The following PHC3 variants were observed in gnomAD, a reference collection of about 807,000 sequenced individuals.
PHC3 encodes polyhomeotic homolog 3, also known as polyhomeotic-like protein 3.
PHC3 carries 13 observed loss-of-function variants against 107.4 expected under a neutral mutation model. That is an observed-to-expected ratio of 0.12 (90% CI 0.08 to 0.19). The LOEUF (loss-of-function observed/expected upper bound fraction) is 0.19, where lower values mean the gene tolerates loss of function less well. Among genes scored for constraint, PHC3 ranks in the 10% least tolerant of loss-of-function variants. PHC3 has a pLI of 1.00. For missense variants in PHC3, 992 were observed against 1,210.9 expected (o/e 0.82, Z 2.68); for synonymous variants, 456 against 427.4 (o/e 1.07, Z -0.83).
At chr3:170,175,681 T>G (rs1168010404) in intron 2 of PHC3, among the ~76,000 whole-genome samples, 1 of 151,034 alleles carries the variant, frequency 6.6e-6, no homozygotes, top group African/African-American at 2.4e-5. Context: ...TCCCAGCACT[T>G]TGGGAGGCCG....
chr3:170,099,056 A>G (rs984774314), intron 14 of PHC3, among the ~76,000 whole-genome samples: 6 of 152,170 alleles, frequency 3.9e-5, no homozygotes, highest in African/African-American at 1.2e-4. Context: ...CAGGAAAGAA[A>G]AGAAGAGAGA....
At chr3:170,130,232 A>G (rs1486985911) in intron 7 of PHC3, among the ~76,000 whole-genome samples, 2 of 152,204 alleles carry the variant, frequency 1.3e-5, no homozygotes, top group Non-Finnish European at 2.9e-5. Flanking sequence ...GAACAAGTAT[A>G]ACATATATAA....
Position 170,171,208 on chromosome 3 carries a change from T to A in PHC3, c.414+165A>T, listed in dbSNP as rs1351525330. 5 of 592,596 alleles carry A rather than the reference T, an allele frequency of 8.4e-6. No individual in the cohort carries two copies. The East Asian group carries it at 1.5e-4, about 18-fold the overall frequency. The allele number at this position is 592,596 out of a possible 1,614,324, so 36.7% of individuals were successfully genotyped here. On this transcript the variant is annotated intron_variant, in intron 4 of 14. Transcript: ENST00000495893. ...GACTCAGATTTTCATAAGTTTAACA[T>A]TAGTTCTGAATTCTTGAATTTTATC...
intron 1 of PHC3, among the ~76,000 whole-genome samples, chr3:170,180,483 G>T (rs969618036): frequency 6.6e-6 from 1 of 150,786 alleles, no homozygotes; most frequent in Non-Finnish European, 1.5e-5. Flanking sequence ...GAGGAAAAGT[G>T]AAAGGAAAAC....
intron 11 of PHC3, among the ~76,000 whole-genome samples, chr3:170,111,261 A>AGAAAGAAG (rs1717592749): frequency 8.2e-6 from 1 of 121,272 alleles, no homozygotes; most frequent in African/African-American, 3.0e-5. Flanking sequence ...TAAAACAAGA[A>AGAAAGAAG]GAAGGAAGGA....
intron 8 of PHC3, among the ~76,000 whole-genome samples, chr3:170,125,682 T>C (rs1721133567): frequency 1.3e-5 from 2 of 152,170 alleles, no homozygotes; most frequent in Non-Finnish European, 2.9e-5. Context: ...TGTAAAATAC[T>C]TTCCACTCAT....
chr3:170,128,354 C>T, intron 8 of PHC3: 1 of 1,296,374 alleles, frequency 7.7e-7, no homozygotes, highest in South Asian at 1.3e-5. Flanking sequence ...AGAGAAAAAA[C>T]TTTGTGCAGA....
chr3:170,168,125 G>A (rs1729012040), intron 4 of PHC3, among the ~76,000 whole-genome samples: 1 of 151,986 alleles, frequency 6.6e-6, no homozygotes, highest in South Asian at 2.1e-4. Context: ...TCGTGCCACT[G>A]CACTCCAGCC....
chr3:170,129,636 A>T, intron 7 of PHC3, 84 bp from the exon 8 acceptor site: 1 of 1,259,868 alleles, frequency 7.9e-7, no homozygotes. Context: ...AGTGTTCATT[A>T]TCAGAAGGTC....
chr3:170,177,901 G>A (rs1035456002), intron 2 of PHC3, among the ~76,000 whole-genome samples: 2 of 150,928 alleles, frequency 1.3e-5, no homozygotes, highest in Admixed American at 6.6e-5. Context: ...CAACTCCTAA[G>A]CTCAAGCTAT....
At chr3:170,098,698 T>G (rs1240706053) in intron 14 of PHC3, among the ~76,000 whole-genome samples, 1 of 151,964 alleles carries the variant, frequency 6.6e-6, no homozygotes, top group Non-Finnish European at 1.5e-5. Flanking sequence ...TGTCCATTTT[T>G]TCTCTTGCTT....
At chr3:170,148,360 A>G (rs1338295397) in intron 5 of PHC3, 2 of 152,230 alleles carry the variant, frequency 1.3e-5, no homozygotes, top group South Asian at 2.1e-4. Flanking sequence ...ATATAAATAT[A>G]TATTAGGGAC....
rs1721885543 is a variant in PHC3, at chr3:170,129,374, T to C, written c.1098A>G (p.Pro366=). 1 of 1,613,596 alleles carries C rather than the reference T, an allele frequency of 6.2e-7. No individual in the cohort carries two copies. The highest frequency in any genetic ancestry group is 8.5e-7 in the Non-Finnish European group (1 of 1,179,800). ...CTGGAGGAAGGCCATGGTTCTGGAG[T>C]GGTATACAGTGCTGGGATGGGGGTG... The part of the protein sequence containing the change: ...QDPPPSQHCI[P]LQNHGLPPAP... The change falls in exon 8 of 15, where the codon CCA becomes CCG. Residue 366 remains proline, a synonymous_variant. Transcript: ENST00000495893.
intron 11 of PHC3, among the ~76,000 whole-genome samples, chr3:170,110,941 T>C (rs1717525498): frequency 6.6e-6 from 1 of 152,204 alleles, no homozygotes; most frequent in Non-Finnish European, 1.5e-5. Context: ...TGCACATTCT[T>C]TGTTACTTTT....
chr3:170,181,302 C>G (rs1021642477), intron 1 of PHC3, among the ~76,000 whole-genome samples: 1 of 152,168 alleles, frequency 6.6e-6, no homozygotes, highest in African/African-American at 2.4e-5. Flanking sequence ...AGTGCCCGCC[C>G]TGCCCTACCC....
At chr3:170,180,057 GCT>G (rs1420489487) in intron 1 of PHC3, among the ~76,000 whole-genome samples, 1 of 150,720 alleles carries the variant, frequency 6.6e-6, no homozygotes, top group Non-Finnish European at 1.5e-5. Context: ...CCATAGCGTT[GCT>G]TTTTTAAGTA....
rs780011475 is a variant in PHC3 at position 170,097,046 on chromosome 3, A to G, written c.*184T>C. 18 of 485,174 alleles carry G rather than the reference A, an allele frequency of 3.7e-5. No individual in the cohort carries two copies. The highest frequency in any genetic ancestry group is 5.8e-5 in the African/African-American group (3 of 51,442). The allele number at this position is 485,174 out of a possible 1,614,324, so 30.1% of individuals were successfully genotyped here. On this transcript the variant is annotated 3_prime_UTR_variant, in exon 15 of 15. Coordinates refer to ENST00000495893, the MANE Select transcript of PHC3 (RefSeq NM_024947.4). The surrounding 1 kb of genome is among the most constrained non-coding windows in gnomAD (Gnocchi z 4.1). ...AAATTAATTTTACCAATGTTTATTA[A>G]TTATGAAAATGCATGATGAATTATT...
intron 8 of PHC3, among the ~76,000 whole-genome samples, chr3:170,127,302 G>T (rs1252184926): frequency 6.6e-6 from 1 of 152,172 alleles, no homozygotes; most frequent in South Asian, 2.1e-4. Context: ...GAGTAGCTGG[G>T]ATTACAGGCA....
chr3:170,129,422 T>A lies in PHC3; in HGVS notation c.1050A>T (p.Thr350=), dbSNP rs778299490. ...QQQQQQIQPI[T]LQNSTQDPPP... ...GTGGGTCTTGAGTTGAATTCTGAAG[T>A]GTGATTGGCTGAATTTGCTGTTGCT... The change falls in exon 8 of 15, where the codon ACA becomes ACT. Residue 350 remains threonine, a synonymous_variant. Coordinates refer to ENST00000495893, the MANE Select transcript of PHC3 (RefSeq NM_024947.4). 7 of 1,613,854 alleles carry A rather than the reference T, an allele frequency of 4.3e-6. No homozygotes were observed. The South Asian group carries it at 7.7e-5, about 18-fold the overall frequency.
Sources: allele counts gnomAD v4.1 joint callset (sites outside exome capture counted in the v4.1 genomes callset), GRCh38; gene constraint gnomAD v4.1.1; non-coding constraint Gnocchi (gnomAD v3.1); transcripts MANE v1.5; gene names NCBI Gene and HGNC (gene_info 2026-07-23, HGNC 2026-07-21).